Variants in UNC13B observed in about 807,000 individuals in gnomAD.
The protein encoded by UNC13B is protein unc-13 homolog B.
A neutral mutation model predicts 211.0 loss-of-function variants in UNC13B; 144 were observed. The ratio of observed to expected loss-of-function variants is 0.68; its 90% confidence interval spans 0.60 to 0.78. The LOEUF is 0.78. Ranked by LOEUF, UNC13B falls within the 30% of genes least tolerant of loss-of-function variation. The pLI, the probability that UNC13B is intolerant of heterozygous loss-of-function variation, is 0.00. For missense variants in UNC13B, 1,777 were observed against 2,002.0 expected (o/e 0.89, Z 2.14); for synonymous variants, 709 against 725.8 (o/e 0.98, Z 0.37).
intron 1 of UNC13B, among the ~76,000 whole-genome samples, chr9:35,181,052 C>T: frequency 6.6e-6 from 1 of 152,092 alleles, no homozygotes; most frequent in East Asian, 1.9e-4. Flanking sequence ...GAGGCTTGAT[C>T]ACACCTCTGC....
chr9:35,172,678 G>A (rs1425751321), intron 1 of UNC13B, among the ~76,000 whole-genome samples: 1 of 152,162 alleles, frequency 6.6e-6, no homozygotes, highest in Non-Finnish European at 1.5e-5. Context: ...AAAATGAAAT[G>A]TACTTTCTCA....
At chr9:35,232,416 A>C (rs1430295731) in intron 3 of UNC13B, among the ~76,000 whole-genome samples, 1 of 151,736 alleles carries the variant, frequency 6.6e-6, no homozygotes, top group Non-Finnish European at 1.5e-5. Context: ...TCCTGGGCTC[A>C]AGCAATCTTC....
chr9:35,339,096 T>C (rs1831834122), intron 11 of UNC13B, among the ~76,000 whole-genome samples: 1 of 152,198 alleles, frequency 6.6e-6, no homozygotes, highest in Non-Finnish European at 1.5e-5. Flanking sequence ...TGAGTTTCCA[T>C]CTTGACTCAT....
intron 11 of UNC13B, among the ~76,000 whole-genome samples, chr9:35,319,397 T>A (rs1830620223): frequency 2.7e-5 from 2 of 72,962 alleles, no homozygotes; most frequent in Non-Finnish European, 2.3e-5. Context: ...AGTGAGACCC[T>A]ATCTCAAAAA....
At chr9:35,215,714 A>G (rs1449013010) in intron 1 of UNC13B, among the ~76,000 whole-genome samples, 1 of 152,224 alleles carries the variant, frequency 6.6e-6, no homozygotes, top group Non-Finnish European at 1.5e-5. Context: ...TGCTATTGAC[A>G]GGGACAAAAT....
intron 11 of UNC13B, chr9:35,351,512 A>G (rs1832717967): frequency 1.6e-6 from 2 of 1,232,246 alleles, no homozygotes; most frequent in Admixed American, 8.4e-5. Context: ...AACCCCTCAA[A>G]CCCTGAGGGA....
intron 11 of UNC13B, among the ~76,000 whole-genome samples, chr9:35,356,478 G>A (rs953750211): frequency 4.0e-5 from 6 of 151,832 alleles, no homozygotes; most frequent in Admixed American, 1.3e-4. Context: ...AAATAGCTTT[G>A]ATCAGGGCCA....
chr9:35,279,596 A>G (rs962607112), intron 7 of UNC13B, among the ~76,000 whole-genome samples: 1 of 152,206 alleles, frequency 6.6e-6, no homozygotes, highest in Non-Finnish European at 1.5e-5. Context: ...AGTTGCTTCC[A>G]GTATTTGCAG....
chr9:35,247,685 T>C (rs1381790141), intron 6 of UNC13B, among the ~76,000 whole-genome samples: 1 of 152,228 alleles, frequency 6.6e-6, no homozygotes, highest in Non-Finnish European at 1.5e-5. Flanking sequence ...GAACCAGTCT[T>C]GCATCCCAGG....
intron 26 of UNC13B, among the ~76,000 whole-genome samples, chr9:35,395,872 TC>T (rs947505737): frequency 2.6e-4 from 40 of 152,180 alleles, no homozygotes; most frequent in African/African-American, 9.7e-4. Context: ...TTTGCATACT[TC>T]CCTGAGAATT....
intron 7 of UNC13B, among the ~76,000 whole-genome samples, chr9:35,275,524 C>T (rs961975411): frequency 2.6e-5 from 4 of 152,062 alleles, no homozygotes; most frequent in African/African-American, 4.8e-5. Flanking sequence ...TACTGCTGTT[C>T]GAATATACAG....
intron 11 of UNC13B, chr9:35,352,309 C>T (rs1832766407): frequency 5.7e-6 from 7 of 1,232,030 alleles, no homozygotes. Context: ...AAAAGGCTTA[C>T]AGGGCAGGCA....
chr9:35,214,673 A>G (rs545978868), intron 1 of UNC13B, among the ~76,000 whole-genome samples: 1 of 152,210 alleles, frequency 6.6e-6, no homozygotes, highest in African/African-American at 2.4e-5. Flanking sequence ...CTAGGGGGGA[A>G]AAAGGAGAGG....
intron 11 of UNC13B, among the ~76,000 whole-genome samples, chr9:35,347,474 C>T (rs1165821181): frequency 1.3e-5 from 2 of 152,198 alleles, no homozygotes; most frequent in East Asian, 1.9e-4. Context: ...GTTGCCCTTT[C>T]AGCCCATTCT....
At chr9:35,181,436 A>G (rs4879879) in intron 1 of UNC13B, among the ~76,000 whole-genome samples, 124,706 of 152,134 alleles carry the variant, frequency 0.82, 51,368 homozygotes, top group East Asian at 0.98. Context: ...TATTTAATCT[A>G]TTTCTCATGT....
intron 11 of UNC13B, among the ~76,000 whole-genome samples, chr9:35,324,068 G>C (rs1432249034): frequency 6.6e-6 from 1 of 152,068 alleles, no homozygotes. Context: ...TATGTTATTA[G>C]GCCCACTTTA....
At chr9:35,260,142 C>T (rs1004101693) in intron 7 of UNC13B, among the ~76,000 whole-genome samples, 12 of 147,380 alleles carry the variant, frequency 8.1e-5, no homozygotes, top group Admixed American at 5.5e-4. Context: ...CCTGGGAAAT[C>T]GAGGCTGTAG....
intron 11 of UNC13B, chr9:35,353,268 C>G: frequency 8.1e-7 from 1 of 1,232,158 alleles, no homozygotes; most frequent in Non-Finnish European, 1.0e-6. Context: ...AAGTTTTATA[C>G]AAGTAAACTG....
intron 11 of UNC13B, chr9:35,341,921 G>A: frequency 1.0e-6 from 1 of 985,660 alleles, no homozygotes; most frequent in Non-Finnish European, 1.2e-6. Flanking sequence ...AATCGATTGA[G>A]TTAGAATTCC....
Sources: allele counts gnomAD v4.1 joint callset (sites outside exome capture counted in the v4.1 genomes callset), GRCh38; gene constraint gnomAD v4.1.1; transcripts MANE v1.5; gene names NCBI Gene and HGNC (gene_info 2026-07-23, HGNC 2026-07-21).